The following CEP63 variants were observed in gnomAD, a reference collection of about 807,000 sequenced individuals.
CEP63 encodes the protein centrosomal protein 63, also known as centrosomal protein of 63 kDa.
CEP63 carries 84 observed loss-of-function variants against 89.1 expected under a neutral mutation model. The ratio of observed to expected loss-of-function variants is 0.94; its 90% CI spans 0.79 to 1.13. The LOEUF is 1.13. CEP63 is among the 50% of genes most tolerant of loss of function. CEP63 has a pLI of 0.00. For missense variants in CEP63, 838 were observed against 813.3 expected (o/e 1.03, Z -0.37); for synonymous variants, 267 against 272.5 (o/e 0.98, Z 0.20).
chr3:134,496,362 A>G (rs182834288), intron 2 of CEP63, among the ~76,000 whole-genome samples: 1 of 151,146 alleles, frequency 6.6e-6, no homozygotes, highest in Admixed American at 6.6e-5. Context: ...TAATATATGT[A>G]AATGTTGCAG....
Position 134,537,138 on chromosome 3 carries a change from T to C in CEP63, c.442-17T>C. 6.6e-7 allele frequency: 1 copy of C among 1,525,690 alleles called. No individual in the cohort carries two copies. The highest frequency in any genetic ancestry group is 9.1e-7 in the Non-Finnish European group (1 of 1,099,528). The allele number at this position is 1,525,690 out of a possible 1,614,324, so 94.5% of individuals were successfully genotyped here. ...GGAGAAGCACTCAGAAATTAAGTAC[T>C]CTAATTGCCTCCTCAGGAATTCCGT... On this transcript the variant is annotated splice_polypyrimidine_tract_variant and intron_variant, in intron 5 of 14. Transcript: ENST00000675561.
chr3:134,722,998 G>T, the CEP63 span, among the ~76,000 whole-genome samples: 1 of 152,212 alleles, frequency 6.6e-6, no homozygotes, highest in African/African-American at 2.4e-5. Context: ...GGGCACAGCA[G>T]TTTAGCAATA....
At chr3:134,506,358 A>G (rs1943452334) in intron 2 of CEP63, among the ~76,000 whole-genome samples, 1 of 152,218 alleles carries the variant, frequency 6.6e-6, no homozygotes. Context: ...CAATTGTATT[A>G]TCACTTTCCT....
In CEP63 at chr3:134,538,533, G is replaced by GTGTATA. The variant is rs1553770392; in HGVS notation, c.555+1266_555+1267insGTATAT. On this transcript the variant is annotated intron_variant, in intron 6 of 14. Transcript: ENST00000675561. ...ACCTAATAAGAAATTGTGTGTGTGT[G>GTGTATA]TATATATATATATATATATATGTAT... Among the ~76,000 whole-genome samples, 162 of 101,300 alleles carry GTGTATA rather than the reference G, an allele frequency of 1.6e-3. 1 individual carries two copies. Among genetic ancestry groups the GTGTATA allele is most frequent in the Admixed American group, 0.015 (118 of 7,734 alleles). The allele number at this position is 101,300 out of a possible 152,430, so 66.5% of individuals were successfully genotyped here. A position where few individuals can be genotyped will look rare whatever the true frequency, so the allele number is the denominator to read the frequency against.
the CEP63 span, among the ~76,000 whole-genome samples, chr3:134,665,702 C>CACACACACAGAG: frequency 9.8e-6 from 1 of 102,324 alleles, no homozygotes; most frequent in African/African-American, 4.0e-5. Flanking sequence ...CACACACACA[C>CACACACACAGAG]AGAGAGAGAG....
In CEP63 at chr3:134,582,380, C is replaced by G. The variant is rs141475030; in HGVS notation, c.1207-5078C>G. 3.6e-3 allele frequency among the ~76,000 whole-genome samples: 548 copies of G among 151,860 alleles called. 8 individuals carry two copies. Among genetic ancestry groups the G allele is most frequent in the African/African-American group, 0.013 (526 of 41,378 alleles). Reference sequence around the variant, plus strand: ...GTGTGTGATGTTCCCCAGCCTGTGTCCAAGTGTTCCCTCTGTTCAACTCCC... The same window carrying G: ...GTGTGTGATGTTCCCCAGCCTGTGTGCAAGTGTTCCCTCTGTTCAACTCCC... On this transcript the variant is annotated intron_variant, in intron 10 of 10. Transcript: ENST00000683931.
In CEP63 at chr3:134,559,461, T is replaced by C. The variant is rs145384180; in HGVS notation, c.1953+32T>C. 9.5e-4 allele frequency: 1,519 copies of C among 1,592,118 alleles called. 10 individuals carry two copies. The African/African-American group carries it at 0.018, about 19-fold the overall frequency. On this transcript the variant is annotated intron_variant, in intron 14 of 14. Transcript: ENST00000675561. ...AAACTTTCTGATCTTAGTAATTTGT[T>C]AGTTTTTTAAGTTTGCTTTGATTTT...
chr3:134,560,737 A>ATG (rs548724617), intron 14 of CEP63, among the ~76,000 whole-genome samples: 74 of 151,598 alleles, frequency 4.9e-4, no homozygotes, highest in Admixed American at 1.5e-3. Context: ...GTATGTGTGT[A>ATG]TGTGTGTGTG....
At chr3:134,738,243 C>A in the CEP63 span, among the ~76,000 whole-genome samples, 6 of 100,168 alleles carry the variant, frequency 6.0e-5, no homozygotes, top group Non-Finnish European at 1.3e-4. Flanking sequence ...GCGTAGTATT[C>A]CATCATACAC....
At chr3:134,681,548 G>A in the CEP63 span, among the ~76,000 whole-genome samples, 1 of 152,176 alleles carries the variant, frequency 6.6e-6, no homozygotes, top group Non-Finnish European at 1.5e-5. Flanking sequence ...GAGCCTGCTC[G>A]ACTGTTTGTT....
intron 3 of CEP63, among the ~76,000 whole-genome samples, chr3:134,508,748 T>G (rs2108460547): frequency 6.6e-6 from 1 of 152,358 alleles, no homozygotes; most frequent in East Asian, 1.9e-4. Context: ...AGGGATTAAA[T>G]GGATAGATTC....
the CEP63 span, among the ~76,000 whole-genome samples, chr3:134,645,105 G>A: frequency 6.6e-6 from 1 of 152,228 alleles, no homozygotes; most frequent in African/African-American, 2.4e-5. Flanking sequence ...TGCACAATTG[G>A]TTTCCCTTTA....
At chr3:134,503,100 C>CTTTTTTTTTT (rs34673408) in intron 2 of CEP63, among the ~76,000 whole-genome samples, 474 of 91,830 alleles carry the variant, frequency 5.2e-3, no homozygotes, top group East Asian at 9.6e-3. Flanking sequence ...TGATTTCAAT[C>CTTTTTTTTTT]TTTTTTTTTT....
the CEP63 span, among the ~76,000 whole-genome samples, chr3:134,672,858 C>T: frequency 5.9e-5 from 9 of 152,370 alleles, no homozygotes; most frequent in East Asian, 3.9e-4. Flanking sequence ...CTCCCCATCT[C>T]GCTCCACAGC....
the CEP63 span, among the ~76,000 whole-genome samples, chr3:134,707,741 T>TTTTTC: frequency 1.6e-5 from 2 of 126,864 alleles, no homozygotes; most frequent in African/African-American, 7.4e-5. Flanking sequence ...ATTCTTTTCT[T>TTTTTC]TTTTTTTTTT....
At chr3:134,583,134 G>A (rs1444156409) in intron 10 of CEP63, among the ~76,000 whole-genome samples, 1 of 152,160 alleles carries the variant, frequency 6.6e-6, no homozygotes, top group Non-Finnish European at 1.5e-5. Flanking sequence ...TAGGTTGCCT[G>A]TTGACTCTGA....
chr3:134,560,153 A>G (rs1957088125), intron 14 of CEP63, among the ~76,000 whole-genome samples: 1 of 152,242 alleles, frequency 6.6e-6, no homozygotes. Flanking sequence ...TTTTGGCACC[A>G]GAACTTTCCC....
At chr3:134,556,938 C>T (rs1956293719) in intron 12 of CEP63, among the ~76,000 whole-genome samples, 1 of 151,990 alleles carries the variant, frequency 6.6e-6, no homozygotes, top group Admixed American at 6.6e-5. Flanking sequence ...CTGGTGAAAA[C>T]CTTGTCAGCA....
the CEP63 span, among the ~76,000 whole-genome samples, chr3:134,616,348 G>A: frequency 6.6e-6 from 1 of 152,314 alleles, no homozygotes; most frequent in African/African-American, 2.4e-5. Flanking sequence ...CAGGGAGGTG[G>A]AATGGACTGG....
Sources: gnomAD v4.1 joint callset for allele counts (sites outside exome capture counted in the v4.1 genomes callset) on GRCh38, gnomAD v4.1.1 for gene constraint, MANE v1.5 for transcripts, NCBI Gene and HGNC (gene_info 2026-07-23, HGNC 2026-07-21) for gene names.